POLR2F: variants seen among roughly 807,000 people sequenced by gnomAD.
POLR2F encodes the protein DNA-directed RNA polymerases I, II, and III subunit RPABC2.
In POLR2F, 12 loss-of-function variants were observed where a neutral mutation model predicts 22.7. The ratio of observed to expected loss-of-function variants is 0.53; its 90% CI spans 0.34 to 0.86. The LOEUF (loss-of-function observed/expected upper bound fraction) is 0.86, where lower values mean the gene tolerates loss of function less well. Among genes scored for constraint, POLR2F ranks in the 40% least tolerant of loss-of-function variants. The pLI, the probability that POLR2F is intolerant of heterozygous loss-of-function variation, is 0.02. For missense variants in POLR2F, 126 were observed against 171.5 expected, an observed-to-expected ratio of 0.73 and a Z score of 1.48; for synonymous variants, 57 against 66.0, an observed-to-expected ratio of 0.86 and a Z score of 0.66.
chr22:37,972,048 G>A (rs1157058270), downstream of POLR2F, among the ~76,000 whole-genome samples: 1 of 147,782 alleles, frequency 6.8e-6, no homozygotes, highest in Non-Finnish European at 1.5e-5. Flanking sequence ...AAGAGAGAGA[G>A]GAGAGTGGGA....
rs1932354170 is a variant in POLR2F, at chr22:37,980,206, G to A, written c.293+13036G>A. On this transcript the variant is annotated intron_variant, in intron 4 of 4. Transcript: ENST00000405557. The surrounding 1 kb of genome is among the most constrained non-coding windows in gnomAD (Gnocchi z 4.1). Reference sequence around the variant, plus strand: ...GATGTGGGCACCCTCTCTGACGGCTGGGACCAGGGGAGGGGGTGGAGCAGG... The same window carrying A: ...GATGTGGGCACCCTCTCTGACGGCTAGGACCAGGGGAGGGGGTGGAGCAGG... Among the ~76,000 whole-genome samples the A allele has an allele frequency of 6.6e-6, 1 of 152,126 alleles. No homozygotes were observed. Among genetic ancestry groups the A allele is most frequent in the African/African-American group, 2.4e-5 (1 of 41,420 alleles).
intron 1 of POLR2F, among the ~76,000 whole-genome samples, chr22:38,000,592 G>A (rs1481105546): frequency 6.6e-6 from 1 of 152,226 alleles, no homozygotes; most frequent in African/African-American, 2.4e-5. Context: ...TCTGTGCAGG[G>A]CACTAGGGTG....
rs1042461586 is a variant in POLR2F, at chr22:37,990,225, A to G, written c.120+3913A>G. 6.6e-5 allele frequency among the ~76,000 whole-genome samples: 10 copies of G among 152,162 alleles called. No homozygotes were observed. The East Asian group carries it at 7.7e-4, about 12-fold the overall frequency. ...CTCTGGGGGAGGAGGATGGCATTCC[A>G]TGGCCTGTCCCAACAGGGGCTCTTG... On this transcript the variant is annotated intron_variant, in intron 1 of 2. Coordinates refer to the POLR2F transcript ENST00000333418.
intron 5 of POLR2F, among the ~76,000 whole-genome samples, chr22:38,037,439 ATTT>A (rs10624395): frequency 0.01 from 1,286 of 124,176 alleles, 28 homozygotes; most frequent in African/African-American, 0.04. Context: ...ATGCTCGGCT[ATTT>A]TTTTTTTTTT....
upstream of POLR2F, chr22:37,985,986 C>A: frequency 8.5e-7 from 1 of 1,179,398 alleles, no homozygotes; most frequent in Non-Finnish European, 1.1e-6. Context: ...CCCAGTTTTC[C>A]TCGACGCCAC....
At position 37,986,281 on chromosome 22, in the gene POLR2F, G is replaced by A. The variant is rs1569172527; in HGVS notation, c.91G>A (p.Ala31Thr). Residue 31 changes from alanine (A) to threonine (T), a missense_variant, in exon 1 of 3, where the codon GCT becomes ACT. By Grantham distance (58) the Ala-to-Thr change is moderately conservative. Transcript: ENST00000333418. This position sits in a 1 kb window ranked among gnomAD's most constrained non-coding sequence, Gnocchi z 4.7. ...CTCCAACACCCGCTGCTGCCCGCCC[G>A]CTGCCTGCCTGCCTGGCATCTCTCT... 5 of 1,538,464 alleles carry A rather than the reference G, an allele frequency of 3.2e-6. No homozygotes were observed. The highest frequency in any genetic ancestry group is 1.2e-5 in the South Asian group (1 of 83,984).
In POLR2F at chr22:37,978,372, G is replaced by A. The variant is rs190019323; in HGVS notation, c.293+11202G>A. 3.0e-4 allele frequency among the ~76,000 whole-genome samples: 46 copies of A among 152,378 alleles called. No individual in the cohort carries two copies. The highest frequency in any genetic ancestry group is 1.1e-3 in the African/African-American group (45 of 41,592). ...CCCCAAATCTTTCATGGGCTGGAGG[G>A]TGAGAGAGGGGTCAGCCCGCTGCTC... On this transcript the variant is annotated intron_variant, in intron 4 of 4. Transcript: ENST00000405557. This position sits in a 1 kb window ranked among gnomAD's most constrained non-coding sequence, Gnocchi z 5.0.
chr22:37,964,889 T>C (rs1207764188), intron 3 of POLR2F, among the ~76,000 whole-genome samples: 2 of 151,352 alleles, frequency 1.3e-5, no homozygotes, highest in African/African-American at 4.9e-5. Flanking sequence ...CCTGTTTTTC[T>C]TGGGGAGCAA....
downstream of POLR2F, among the ~76,000 whole-genome samples, chr22:38,027,059 G>A (rs759771249): frequency 3.3e-5 from 5 of 152,194 alleles, no homozygotes; most frequent in Admixed American, 2.0e-4. Flanking sequence ...GATGGCCTGC[G>A]GGATGTGTGT....
chr22:37,956,674 C>T, intron 1 of POLR2F, 99 bp from the exon 2 acceptor site: 1 of 974,376 alleles, frequency 1.0e-6, no homozygotes, highest in Middle Eastern at 2.5e-4. Context: ...ACTTCAATCT[C>T]CGAAAGTACC....
At chr22:38,028,317 G>A (rs1212636398), downstream of POLR2F, among the ~76,000 whole-genome samples, 2 of 152,052 alleles carry the variant, frequency 1.3e-5, no homozygotes, top group Non-Finnish European at 2.9e-5. Flanking sequence ...AGGGTGGGGG[G>A]TTTCAAGACT....
intron 3 of POLR2F, among the ~76,000 whole-genome samples, chr22:37,959,731 CAGAACT>C (rs1931551504): frequency 7.1e-6 from 1 of 141,794 alleles, no homozygotes; most frequent in African/African-American, 2.6e-5. Context: ...AAAAAAAAAA[CAGAACT>C]AGATGGTTGC....
At chr22:38,030,326 CTGTT>C (rs1226110609), downstream of POLR2F, among the ~76,000 whole-genome samples, 1 of 152,092 alleles carries the variant, frequency 6.6e-6, no homozygotes, top group Non-Finnish European at 1.5e-5. Flanking sequence ...ACAACCAGCT[CTGTT>C]TGTGGAGGTG....
chr22:38,025,440 A>AC, intron 1 of POLR2F: 2 of 1,249,378 alleles, frequency 1.6e-6, no homozygotes, highest in Middle Eastern at 2.0e-4. Flanking sequence ...ATGTGCACAC[A>AC]CTGATTCATA....
At chr22:37,965,066 G>T (rs2145745804) in intron 3 of POLR2F, among the ~76,000 whole-genome samples, 1 of 152,270 alleles carries the variant, frequency 6.6e-6, no homozygotes, top group African/African-American at 2.4e-5. Context: ...GAGTGCAGTG[G>T]TGCCATCTCG....
At chr22:37,987,597 A>T (rs1932620831) in intron 1 of POLR2F, 1 of 335,638 alleles carries the variant, frequency 3.0e-6, no homozygotes, top group Non-Finnish European at 5.9e-6. Context: ...CTGGCTGCAG[A>T]ACCAGGGGCC....
downstream of POLR2F, chr22:37,973,228 TG>T: frequency 2.3e-6 from 1 of 443,126 alleles, no homozygotes; most frequent in Non-Finnish European, 4.0e-6. Context: ...TGGGGGAAGG[TG>T]CAGCCCCTCA....
chr22:37,957,959 G>C (rs947186603), intron 2 of POLR2F, among the ~76,000 whole-genome samples: 2 of 152,144 alleles, frequency 1.3e-5, no homozygotes, highest in Non-Finnish European at 2.9e-5. Flanking sequence ...TATCCAGAGT[G>C]ATCCTTTCTT....
chr22:37,987,021 T>C, intron 1 of POLR2F: 1 of 456,512 alleles, frequency 2.2e-6, no homozygotes, highest in South Asian at 1.5e-5. Flanking sequence ...CCCCTCATTC[T>C]TGACCCTTCT....
Sources: gnomAD v4.1 joint callset for allele counts (sites outside exome capture counted in the v4.1 genomes callset) on GRCh38, gnomAD v4.1.1 for gene constraint, Gnocchi (gnomAD v3.1) non-coding constraint, MANE v1.5 for transcripts, NCBI Gene and HGNC (gene_info 2026-07-23, HGNC 2026-07-21) for gene names.